Variants in CADM2 observed in about 807,000 individuals in gnomAD.
The protein encoded by CADM2 is cell adhesion molecule 2.
Under a neutral mutation model 49.8 loss-of-function variants are expected in CADM2, and 12 were observed. The ratio of observed to expected loss-of-function variants is 0.24; its 90% CI spans 0.15 to 0.39. CADM2 has a LOEUF of 0.39. Among genes scored for constraint, CADM2 ranks in the 10% least tolerant of loss-of-function variants. CADM2 has a pLI of 1.00. For missense variants in CADM2, 378 were observed against 492.3 expected (o/e 0.77, Z 2.20); for synonymous variants, 214 against 175.4 (o/e 1.22, Z -1.74).
At chr3:85,205,190 C>A (rs1359282514) in intron 1 of CADM2, among the ~76,000 whole-genome samples, 2 of 146,252 alleles carry the variant, frequency 1.4e-5, no homozygotes, top group African/African-American at 2.7e-5. Flanking sequence ...GTTAATTTTT[C>A]TAAAAAAAAA....
intron 1 of CADM2, among the ~76,000 whole-genome samples, chr3:85,705,108 C>T (rs766949665): frequency 2.7e-4 from 40 of 149,860 alleles, no homozygotes; most frequent in Admixed American, 4.7e-4. Context: ...CCTTGTGATC[C>T]ACCCGTCTGG....
rs1245775773 is a variant in CADM2, at chr3:85,726,396, G to C, written c.62-126G>C. ...TAGTCATTTTGTTTCTTAGGCTGTT[G>C]ATCATGAAATCACAAATGTACTCTT... is the stretch of plus-strand genomic sequence containing the variant. On this transcript the variant is annotated intron_variant, in intron 1 of 9. Transcript: ENST00000383699. The C allele has an allele frequency of 2.3e-5, 23 of 994,648 alleles. No individual in the cohort carries two copies. In the Admixed American group the frequency reaches 4.2e-4, roughly 18 times the overall value. 61.6% of individuals were successfully genotyped at this position (994,648 alleles called of 1,614,324 possible).
chr3:85,013,198 C>T (rs1576032015), intron 1 of CADM2, among the ~76,000 whole-genome samples: 1 of 150,184 alleles, frequency 6.7e-6, no homozygotes, highest in African/African-American at 2.4e-5. Flanking sequence ...TTTCTTTAGC[C>T]TGTAGCAAAT....
At chr3:85,171,100 AG>A (rs2040613875) in intron 1 of CADM2, among the ~76,000 whole-genome samples, 2 of 152,228 alleles carry the variant, frequency 1.3e-5, no homozygotes, top group African/African-American at 4.8e-5. Flanking sequence ...TGAGGCATAT[AG>A]AAAAAAATGT....
At chr3:85,519,152 C>T (rs2060972882) in intron 1 of CADM2, among the ~76,000 whole-genome samples, 1 of 152,022 alleles carries the variant, frequency 6.6e-6, no homozygotes, top group African/African-American at 2.4e-5. Context: ...TTACTTTCAT[C>T]TCTAATTCAT....
chr3:85,566,359 G>T (rs762423126), intron 1 of CADM2, among the ~76,000 whole-genome samples: 13 of 151,912 alleles, frequency 8.6e-5, no homozygotes, highest in Non-Finnish European at 1.8e-4. Flanking sequence ...AACTGATACT[G>T]GGTGGAATTT....
intron 8 of CADM2, among the ~76,000 whole-genome samples, chr3:86,032,213 C>A (rs960535391): frequency 6.6e-6 from 1 of 151,642 alleles, no homozygotes; most frequent in African/African-American, 2.4e-5. Context: ...TCTCAAATTC[C>A]TTTCGTCCAA....
At chr3:85,456,914 A>C (rs958633882) in intron 1 of CADM2, among the ~76,000 whole-genome samples, 1 of 152,028 alleles carries the variant, frequency 6.6e-6, no homozygotes, top group African/African-American at 2.4e-5. Flanking sequence ...GTTTAATGAA[A>C]AACGGATGTG....
At chr3:84,987,718 T>G (rs2032654389) in intron 1 of CADM2, among the ~76,000 whole-genome samples, 1 of 152,178 alleles carries the variant, frequency 6.6e-6, no homozygotes, top group South Asian at 2.1e-4. Flanking sequence ...GATGTGTGTT[T>G]ATTAAAAACT....
At chr3:85,615,745 A>G (rs757674592) in intron 1 of CADM2, among the ~76,000 whole-genome samples, 1 of 151,746 alleles carries the variant, frequency 6.6e-6, no homozygotes, top group Non-Finnish European at 1.5e-5. Flanking sequence ...AATTCACATG[A>G]TGCTGCCCTA....
intron 1 of CADM2, among the ~76,000 whole-genome samples, chr3:85,695,509 G>T (rs1415765194): frequency 6.6e-6 from 1 of 151,774 alleles, no homozygotes; most frequent in Non-Finnish European, 1.5e-5. Context: ...CATCCAATTT[G>T]CTGCAAGAGA....
At chr3:86,011,386 A>T (rs1731491295) in intron 8 of CADM2, among the ~76,000 whole-genome samples, 1 of 152,158 alleles carries the variant, frequency 6.6e-6, no homozygotes, top group Non-Finnish European at 1.5e-5. Flanking sequence ...ACTTGTAATT[A>T]TGTTCATCTT....
At chr3:85,793,599 A>T (rs2071460367) in intron 2 of CADM2, among the ~76,000 whole-genome samples, 1 of 152,184 alleles carries the variant, frequency 6.6e-6, no homozygotes, top group African/African-American at 2.4e-5. Flanking sequence ...GTCAGTTTCA[A>T]GCTGCCAACC....
chr3:85,540,029 C>A (rs980943135), intron 1 of CADM2, among the ~76,000 whole-genome samples: 2 of 151,948 alleles, frequency 1.3e-5, no homozygotes, highest in East Asian at 3.9e-4. Flanking sequence ...AGACCAGAGC[C>A]CAGGAGGAAG....
intron 1 of CADM2, among the ~76,000 whole-genome samples, chr3:85,383,617 T>C (rs17022729): frequency 5.4e-5 from 8 of 149,182 alleles, no homozygotes; most frequent in Non-Finnish European, 1.2e-4. Context: ...ATTATCCTCA[T>C]TTTTCTCTCC....
At chr3:85,629,057 C>T (rs1234834694) in intron 1 of CADM2, among the ~76,000 whole-genome samples, 4 of 151,798 alleles carry the variant, frequency 2.6e-5, no homozygotes, top group Non-Finnish European at 4.4e-5. Context: ...CATTTTTGTG[C>T]ATACAATAGT....
chr3:85,603,403 G>GT lies in CADM2; in HGVS notation c.62-123112dup, dbSNP rs1203757879. Among the ~76,000 whole-genome samples the GT allele has an allele frequency of 6.7e-5, 10 of 149,854 alleles. No individual in the cohort carries two copies. In the South Asian group the frequency reaches 1.5e-3, roughly 22 times the overall value. ...TAAGTGAACACTCCTTTTAATTTTT[G>GT]TTTTTTTCTCAACAAGTTGTTAGCC... On this transcript the variant is annotated intron_variant, in intron 1 of 9. Transcript: ENST00000383699.
At chr3:85,028,041 T>G (rs573547286) in intron 1 of CADM2, among the ~76,000 whole-genome samples, 1 of 152,170 alleles carries the variant, frequency 6.6e-6, no homozygotes, top group African/African-American at 2.4e-5. Flanking sequence ...GGGGCAGAGA[T>G]AGAAAAAAAC....
intron 6 of CADM2, among the ~76,000 whole-genome samples, chr3:85,919,995 TA>T (rs1215172015): frequency 1.3e-5 from 2 of 151,854 alleles, no homozygotes; most frequent in Non-Finnish European, 1.5e-5. Context: ...TTTTCACTTG[TA>T]AAAAGTAATA....
Sources: gnomAD v4.1 joint callset for allele counts (sites outside exome capture counted in the v4.1 genomes callset) on GRCh38, gnomAD v4.1.1 for gene constraint, MANE v1.5 for transcripts, NCBI Gene and HGNC (gene_info 2026-07-23, HGNC 2026-07-21) for gene names.